The following SETBP1 variants were observed in gnomAD, a reference collection of about 807,000 sequenced individuals.
The protein encoded by SETBP1 is SET-binding protein.
In SETBP1, 9 loss-of-function variants were observed where a neutral mutation model predicts 101.0. The observed-to-expected ratio is 0.09, with a 90% CI of 0.05 to 0.16. SETBP1 has a LOEUF of 0.16. Among genes scored for constraint, SETBP1 ranks in the 10% least tolerant of loss-of-function variants. The probability of loss-of-function intolerance (pLI) is 1.00; values close to 1 mark genes in which losing one functional copy is unlikely to be tolerated. For missense variants in SETBP1, 1,858 were observed against 2,033.8 expected (o/e 0.91, Z 1.66); for synonymous variants, 818 against 788.5 (o/e 1.04, Z -0.63).
intron 4 of SETBP1, among the ~76,000 whole-genome samples, chr18:44,999,315 G>A (rs1481516381): frequency 6.6e-6 from 1 of 152,192 alleles, no homozygotes; most frequent in Non-Finnish European, 1.5e-5. Flanking sequence ...TTTCCAGGAA[G>A]TTATGATTTT....
At chr18:44,699,324 G>A (rs1037387851) in intron 1 of SETBP1, among the ~76,000 whole-genome samples, 5 of 152,144 alleles carry the variant, frequency 3.3e-5, no homozygotes, top group African/African-American at 9.7e-5. Flanking sequence ...GATTCTTACC[G>A]CTTGACAAAT....
chr18:45,017,656 T>C (rs984880763), intron 4 of SETBP1, among the ~76,000 whole-genome samples: 14 of 152,366 alleles, frequency 9.2e-5, no homozygotes, highest in Admixed American at 9.1e-4. Flanking sequence ...CCACCTAATT[T>C]GTTTCTTTTA....
intron 2 of SETBP1, among the ~76,000 whole-genome samples, chr18:44,864,621 G>A (rs959433396): frequency 2.0e-5 from 3 of 152,068 alleles, no homozygotes; most frequent in Non-Finnish European, 2.9e-5. Context: ...ACACTGCCGG[G>A]CTCCACCAGG....
chr18:44,962,413 A>T (rs1339202551), intron 4 of SETBP1, among the ~76,000 whole-genome samples: 3 of 152,116 alleles, frequency 2.0e-5, no homozygotes. Flanking sequence ...GGAAGGGAAG[A>T]TACAATTGAT....
intron 3 of SETBP1, among the ~76,000 whole-genome samples, chr18:44,935,922 C>T (rs556031371): frequency 6.6e-6 from 1 of 152,272 alleles, no homozygotes; most frequent in Non-Finnish European, 1.5e-5. Flanking sequence ...TAATTTTGCC[C>T]CTTCATTGTA....
chr18:44,694,053 TAGCTGTTC>T (rs1278226565), intron 1 of SETBP1, among the ~76,000 whole-genome samples: 1 of 152,222 alleles, frequency 6.6e-6, no homozygotes, highest in African/African-American at 2.4e-5. Flanking sequence ...TTGTGAAGTT[TAGCTGTTC>T]AGCTGTTTTT....
chr18:44,855,964 G>A (rs1482006779), intron 2 of SETBP1, among the ~76,000 whole-genome samples: 2 of 152,262 alleles, frequency 1.3e-5, no homozygotes, highest in South Asian at 2.1e-4. Context: ...GGGCAGGACT[G>A]GGGAGCAACG....
chr18:45,030,778 G>A (rs1410139689), intron 4 of SETBP1, among the ~76,000 whole-genome samples: 1 of 151,240 alleles, frequency 6.6e-6, no homozygotes, highest in Admixed American at 6.6e-5. Context: ...ATTTCTTCTA[G>A]ATTTTCTAGT....
rs936374796 is a variant in SETBP1, at chr18:44,773,078, T to A, written c.486+71246T>A. ...TCATGTGGATCCTTGAATGGATTGT[T>A]GCTGCTTACCTTATCTTCCTCTCCC... On this transcript the variant is annotated intron_variant, in intron 2 of 5. Coordinates refer to ENST00000649279, the MANE Select transcript of SETBP1 (RefSeq NM_015559.3). Among the ~76,000 whole-genome samples the A allele has an allele frequency of 3.3e-5, 5 of 152,214 alleles. 1 individual carries two copies. Among genetic ancestry groups the A allele is most frequent in the South Asian group, 2.1e-4 (1 of 4,828 alleles).
intron 3 of SETBP1, among the ~76,000 whole-genome samples, chr18:44,944,007 G>T (rs1032423736): frequency 4.0e-5 from 6 of 151,604 alleles, no homozygotes; most frequent in Non-Finnish European, 7.4e-5. Context: ...TCTAATTTTT[G>T]TATTTTTGTA....
chr18:44,945,260 A>G (rs1363033334), intron 3 of SETBP1, among the ~76,000 whole-genome samples: 2 of 152,220 alleles, frequency 1.3e-5, no homozygotes, highest in African/African-American at 4.8e-5. Context: ...CAGAATCTAC[A>G]AAGAACTCAA....
chr18:44,972,813 C>G (rs1037476600), intron 4 of SETBP1, among the ~76,000 whole-genome samples: 4 of 152,176 alleles, frequency 2.6e-5, no homozygotes, highest in African/African-American at 7.2e-5. Context: ...ACAAACATGT[C>G]ATCTGCAGAC....
chr18:44,884,658 G>A (rs1278508244), intron 3 of SETBP1, among the ~76,000 whole-genome samples: 1 of 152,190 alleles, frequency 6.6e-6, no homozygotes, highest in East Asian at 1.9e-4. Flanking sequence ...TGCCATCAGG[G>A]AAATAGTTTT....
chr18:44,706,591 C>CAAA (rs1018470585), intron 2 of SETBP1, among the ~76,000 whole-genome samples: 2,245 of 17,014 alleles, frequency 0.13, 659 homozygotes, highest in Non-Finnish European at 0.14. Flanking sequence ...GACTCAATCT[C>CAAA]AAAAAAAAAA....
At chr18:45,003,429 TA>T (rs1332897597) in intron 4 of SETBP1, among the ~76,000 whole-genome samples, 5 of 152,190 alleles carry the variant, frequency 3.3e-5, no homozygotes, top group Non-Finnish European at 7.3e-5. Flanking sequence ...AGTTCAAGCC[TA>T]CTGAGTGGGC....
At chr18:44,754,131 T>C (rs1277941259) in intron 2 of SETBP1, among the ~76,000 whole-genome samples, 5 of 152,260 alleles carry the variant, frequency 3.3e-5, no homozygotes. Context: ...GAAAATGACT[T>C]GGATGCAGTG....
intron 4 of SETBP1, among the ~76,000 whole-genome samples, chr18:44,967,854 A>G (rs1406855226): frequency 6.6e-6 from 1 of 152,128 alleles, no homozygotes; most frequent in Non-Finnish European, 1.5e-5. Context: ...ACATTCTCCC[A>G]CACCTTCTGG....
intron 2 of SETBP1, among the ~76,000 whole-genome samples, chr18:44,830,296 G>T (rs80249012): frequency 0.032 from 4,937 of 152,240 alleles, 279 homozygotes; most frequent in African/African-American, 0.11. Context: ...ACTGAACACA[G>T]TCTCTTTGGG....
intron 2 of SETBP1, among the ~76,000 whole-genome samples, chr18:44,824,677 A>G (rs1007428439): frequency 6.6e-6 from 1 of 152,220 alleles, no homozygotes; most frequent in Non-Finnish European, 1.5e-5. Context: ...GACAAGTTAC[A>G]ACCTTTTGGC....
Sources: gnomAD v4.1 joint callset for allele counts (sites outside exome capture counted in the v4.1 genomes callset) on GRCh38, gnomAD v4.1.1 for gene constraint, MANE v1.5 for transcripts, NCBI Gene and HGNC (gene_info 2026-07-23, HGNC 2026-07-21) for gene names.